AANAT: variants seen among roughly 807,000 people sequenced by gnomAD.
AANAT encodes serotonin N-acetyltransferase.
Under a neutral mutation model 15.6 loss-of-function variants are expected in AANAT, and 11 were observed. The ratio of observed to expected loss-of-function variants is 0.71; its 90% CI spans 0.44 to 1.17. The LOEUF is 1.17. AANAT is among the 50% of genes most tolerant of loss of function. The probability of loss-of-function intolerance (pLI) is 0.00; values close to 1 mark genes in which losing one functional copy is unlikely to be tolerated. For missense variants in AANAT, 286 were observed against 296.3 expected (o/e 0.97, Z 0.26); for synonymous variants, 139 against 131.5 (o/e 1.06, Z -0.39).
chr17:76,464,005 C>G (rs983402126), upstream of AANAT, among the ~76,000 whole-genome samples: 1 of 152,110 alleles, frequency 6.6e-6, no homozygotes, highest in South Asian at 2.1e-4. Context: ...TGGCAGTTCT[C>G]TGTGTGCCCT....
intron 2 of AANAT, among the ~76,000 whole-genome samples, chr17:76,460,907 A>G (rs1352391406): frequency 2.0e-5 from 3 of 151,930 alleles, no homozygotes; most frequent in South Asian, 2.1e-4. Flanking sequence ...GCTCATGCCT[A>G]TAATCCCAGC....
At chr17:76,467,951 G>A (rs2073457305) in intron 1 of AANAT, among the ~76,000 whole-genome samples, 1 of 152,108 alleles carries the variant, frequency 6.6e-6, no homozygotes, top group Non-Finnish European at 1.5e-5. Flanking sequence ...GTGGGGCAGG[G>A]GGTGTCCTAT....
intron 2 of AANAT, among the ~76,000 whole-genome samples, chr17:76,459,631 C>T (rs556350349): frequency 2.6e-5 from 4 of 152,140 alleles, no homozygotes; most frequent in African/African-American, 7.2e-5. Flanking sequence ...AGTGAGCTTC[C>T]GGAGTCACAG....
chr17:76,469,159 G>A lies in AANAT; in HGVS notation c.164-14G>A. 1.2e-6 allele frequency: 2 copies of A among 1,613,806 alleles called. No homozygotes were observed. Among genetic ancestry groups the A allele is most frequent in the East Asian group, 2.2e-5 (1 of 44,874 alleles). On this transcript the variant is annotated splice_polypyrimidine_tract_variant and intron_variant, in intron 2 of 3. Transcript: ENST00000392492. This position sits in a 1 kb window ranked among gnomAD's most constrained non-coding sequence, Gnocchi z 5.2. ...CAGCGACTACCAGTCACCCACCTGA[G>A]CCTCCTGCCACAGCCTTCATCTCCG...
chr17:76,463,184 C>T (rs1181651776), upstream of AANAT, among the ~76,000 whole-genome samples: 8 of 152,152 alleles, frequency 5.3e-5, no homozygotes, highest in African/African-American at 1.2e-4. Context: ...CTCCAACCCC[C>T]GGCCGTGGCA....
upstream of AANAT, among the ~76,000 whole-genome samples, chr17:76,466,993 C>A (rs1305800877): frequency 2.0e-5 from 3 of 151,868 alleles, no homozygotes; most frequent in Non-Finnish European, 4.4e-5. Flanking sequence ...CAGGTGCTGG[C>A]GAGAGAAGAG....
At position 76,468,839 on chromosome 17, in the gene AANAT, A is replaced by G. The variant is rs72466444; in HGVS notation, c.93A>G (p.Thr31=). Residue 31 remains threonine (T), a synonymous_variant, in exon 2 of 4, where the codon ACA becomes ACG. Coordinates refer to ENST00000392492, the MANE Select transcript of AANAT (RefSeq NM_001088.3). The stretch of plus-strand genomic sequence containing the variant: ...CCCCGAGCTGTCAGCGGCGCCACAC[A>G]CTCCCTGCCAGTGAGTTTCGCTGCC... ...PESPSCQRRH[T]LPASEFRCLT... The G allele has an allele frequency of 6.2e-7, 1 of 1,612,698 alleles. No homozygotes were observed. Among genetic ancestry groups the G allele is most frequent in the Non-Finnish European group, 8.5e-7 (1 of 1,179,816 alleles).
intron 2 of AANAT, 28 bp downstream of exon 2, chr17:76,468,937 G>C: frequency 6.2e-7 from 1 of 1,600,358 alleles, no homozygotes; most frequent in South Asian, 1.1e-5. Flanking sequence ...GGGTCAGAGG[G>C]ATGCTCCACT....
At position 76,469,673 on chromosome 17, in the gene AANAT, GAC is replaced by G. The variant is rs778694959; in HGVS notation, c.328_329del (p.Thr110AlafsTer59). On this transcript the variant is annotated frameshift_variant, in exon 4 of 4. Coordinates refer to ENST00000392492, the MANE Select transcript of AANAT (RefSeq NM_001088.3). LOFTEE classifies it high-confidence loss of function. The surrounding 1 kb of genome is among the most constrained non-coding windows in gnomAD (Gnocchi z 5.2). ...CCCTTGCTCGCTCCCAGGAGTCACT[GAC>G]GCTGCACAGGTCTGGGGGCCACATA... ...DKERLMQESL[T>X]LHRSGGHIAH... The G allele has an allele frequency of 1.3e-6, 2 of 1,491,078 alleles. No individual in the cohort carries two copies. The highest frequency in any genetic ancestry group is 1.9e-4 in the Middle Eastern group (1 of 5,136). 92.4% of individuals were successfully genotyped at this position (1,491,078 alleles called of 1,614,324 possible).
Position 76,469,548 on chromosome 17 carries a change from G to A in AANAT, c.319-117G>A. The A allele has an allele frequency of 7.8e-7, 1 of 1,288,114 alleles. No homozygotes were observed. The highest frequency in any genetic ancestry group is 1.0e-6 in the Non-Finnish European group (1 of 966,942). The allele number at this position is 1,288,114 out of a possible 1,614,324, so 79.8% of individuals were successfully genotyped here. ...CAATTTGGGGCCCTCCTTTGCTGGG[G>A]TGGGTGCCCTGACCACAGGCACCCA... On this transcript the variant is annotated intron_variant, in intron 3 of 3. Transcript: ENST00000392492. The surrounding 1 kb of genome is among the most constrained non-coding windows in gnomAD (Gnocchi z 5.2).
At chr17:76,456,289 C>T (rs1429960753) in intron 1 of AANAT, among the ~76,000 whole-genome samples, 2 of 149,888 alleles carry the variant, frequency 1.3e-5, no homozygotes, top group Non-Finnish European at 2.9e-5. Context: ...CAAGATCGAG[C>T]CATTGAACTC....
chr17:76,457,283 C>G (rs1054642798), intron 1 of AANAT, among the ~76,000 whole-genome samples: 2 of 152,142 alleles, frequency 1.3e-5, no homozygotes, highest in Non-Finnish European at 2.9e-5. Context: ...CTCAAATGAT[C>G]CACCCGCCTT....
Position 76,455,992 on chromosome 17 carries a change from G to A in AANAT, c.-576+2210G>A, listed in dbSNP as rs1192095374. Among the ~76,000 whole-genome samples the A allele has an allele frequency of 3.3e-5, 5 of 151,196 alleles. No individual in the cohort carries two copies. The East Asian group carries it at 5.9e-4, about 18-fold the overall frequency. The stretch of plus-strand genomic sequence containing the variant: ...CACATCACTGCACTCCAGCCTGGGC[G>A]ACAGAGCGAGACTGCGTCTCAAAAA... On this transcript the variant is annotated intron_variant, in intron 1 of 6. Transcript: ENST00000250615.
intron 1 of AANAT, among the ~76,000 whole-genome samples, chr17:76,456,994 A>G (rs565908957): frequency 3.3e-5 from 5 of 152,232 alleles, no homozygotes; most frequent in Admixed American, 6.5e-5. Flanking sequence ...TGCACAGGGG[A>G]GTCCATGTGT....
chr17:76,464,209 G>A (rs141646082), upstream of AANAT, among the ~76,000 whole-genome samples: 468 of 152,282 alleles, frequency 3.1e-3, 1 homozygote, highest in African/African-American at 0.011. Flanking sequence ...AGGCATGGTG[G>A]TGTGCGCCCG....
upstream of AANAT, among the ~76,000 whole-genome samples, chr17:76,465,044 G>A (rs1199007462): frequency 3.3e-5 from 5 of 152,030 alleles, no homozygotes; most frequent in South Asian, 2.1e-4. Flanking sequence ...TGATCCACCC[G>A]CCTCAGCCTC....
upstream of AANAT, among the ~76,000 whole-genome samples, chr17:76,466,573 T>G (rs980500278): frequency 2.6e-5 from 4 of 151,378 alleles, no homozygotes; most frequent in African/African-American, 9.7e-5. Flanking sequence ...GGAGTCTCAT[T>G]GTGAGATGAG....
chr17:76,456,438 G>A (rs1474258622), intron 1 of AANAT, among the ~76,000 whole-genome samples: 1 of 134,002 alleles, frequency 7.5e-6, no homozygotes, highest in Non-Finnish European at 1.6e-5. Flanking sequence ...ATTGGGATCA[G>A]GGTGGTTGTC....
intron 1 of AANAT, 26 bp from the exon 2 acceptor site, chr17:76,468,646 C>G (rs756585626): frequency 1.3e-6 from 2 of 1,526,230 alleles, no homozygotes; most frequent in Non-Finnish European, 1.8e-6. Context: ...AGGATGAGAC[C>G]CCTGTCCCTT....
Sources: allele counts gnomAD v4.1 joint callset (sites outside exome capture counted in the v4.1 genomes callset), GRCh38; gene constraint gnomAD v4.1.1; non-coding constraint Gnocchi (gnomAD v3.1); transcripts MANE v1.5; gene names NCBI Gene and HGNC (gene_info 2026-07-23, HGNC 2026-07-21).